Variants in TMEM233 observed in about 807,000 individuals in gnomAD.
The protein encoded by TMEM233 is transmembrane protein 233.
Under a neutral mutation model 11.2 loss-of-function variants are expected in TMEM233, and 6 were observed. The observed-to-expected ratio is 0.54, with a 90% CI of 0.29 to 1.06. The LOEUF (loss-of-function observed/expected upper bound fraction) is 1.06. Among genes scored for constraint, TMEM233 ranks in the 50% least tolerant of loss-of-function variants. The pLI, the probability that TMEM233 is intolerant of heterozygous loss-of-function variation, is 0.08. For missense variants in TMEM233, 127 were observed against 144.7 expected (o/e 0.88, Z 0.63); for synonymous variants, 59 against 55.8 (o/e 1.06, Z -0.26).
chr12:119,629,251 A>G (rs1349452509), intron 1 of TMEM233, among the ~76,000 whole-genome samples: 2 of 152,146 alleles, frequency 1.3e-5, no homozygotes, highest in African/African-American at 4.8e-5. Context: ...CTCTACTAAA[A>G]ATACAAAAAT....
chr12:119,613,439 T>G (rs1279404701), intron 1 of TMEM233, among the ~76,000 whole-genome samples: 2 of 152,188 alleles, frequency 1.3e-5, no homozygotes, highest in Non-Finnish European at 2.9e-5. Flanking sequence ...CAAATGACTG[T>G]GACTCGCGTC....
Position 119,600,397 on chromosome 12 carries a change from A to AAG in TMEM233, c.186+6364_186+6365insGA, listed in dbSNP as rs964265380. 9.2e-5 allele frequency among the ~76,000 whole-genome samples: 14 copies of AAG among 151,746 alleles called. 1 individual carries two copies. The highest frequency in any genetic ancestry group is 5.2e-4 in the Admixed American group (8 of 15,246). ...AATATGTGGGTAGATTAAAAAAAAA[A>AAG]AAAACAGCAGAAGCTCCTTTGAGCT... On this transcript the variant is annotated intron_variant, in intron 1 of 2. Coordinates refer to ENST00000426426, the MANE Select transcript of TMEM233 (RefSeq NM_001136534.3).
rs1955080778 is a variant in TMEM233, at chr12:119,641,338, C to T, written c.*633C>T. On this transcript the variant is annotated 3_prime_UTR_variant, in exon 3 of 3. Coordinates refer to ENST00000426426, the MANE Select transcript of TMEM233 (RefSeq NM_001136534.3). ...TGATGCTTATATTTCCAAATAGGCC[C>T]CCTCCCTTGCTTGCATCCACGTTGG... is the stretch of plus-strand genomic sequence containing the variant. 1 of 152,210 alleles carries T rather than the reference C, an allele frequency of 6.6e-6. No individual in the cohort carries two copies. The highest frequency in any genetic ancestry group is 2.4e-5 in the African/African-American group (1 of 41,440). The allele number at this position is 152,210 out of a possible 1,614,324, so 9.4% of individuals were successfully genotyped here. A position where few individuals can be genotyped will look rare whatever the true frequency, so the allele number is the denominator to read the frequency against.
chr12:119,604,438 G>A (rs960391888), intron 1 of TMEM233, among the ~76,000 whole-genome samples: 4 of 152,126 alleles, frequency 2.6e-5, no homozygotes, highest in Non-Finnish European at 5.9e-5. Flanking sequence ...GGATCGTAAG[G>A]CTAATATGCC....
the TMEM233 span, among the ~76,000 whole-genome samples, chr12:119,648,099 CCA>C: frequency 6.6e-6 from 1 of 152,056 alleles, no homozygotes; most frequent in East Asian, 1.9e-4. Context: ...CCTTTCTTCC[CCA>C]TGCCCTAGGT....
intron 2 of TMEM233, among the ~76,000 whole-genome samples, chr12:119,636,434 G>T (rs1023385879): frequency 6.6e-6 from 1 of 152,090 alleles, no homozygotes; most frequent in African/African-American, 2.4e-5. Context: ...AGTTATTGCT[G>T]CTTCCCTGGA....
In TMEM233 at chr12:119,595,940, A is replaced by G. The variant is rs1316076107; in HGVS notation, c.186+1906A>G. Among the ~76,000 whole-genome samples the G allele has an allele frequency of 1.3e-5, 2 of 152,232 alleles. No individual in the cohort carries two copies. Among genetic ancestry groups the G allele is most frequent in the African/African-American group, 4.8e-5 (2 of 41,462 alleles). On this transcript the variant is annotated intron_variant, in intron 1 of 2. Transcript: ENST00000426426. The surrounding 1 kb of genome is among the most constrained non-coding windows in gnomAD (Gnocchi z 4.3). ...AATATTTGTTGGTTCCTGTATCTTC[A>G]GCATCTAGAAGAAAATGTGGCACGT...
intron 1 of TMEM233, among the ~76,000 whole-genome samples, chr12:119,620,557 A>T (rs1954620666): frequency 6.6e-6 from 1 of 152,232 alleles, no homozygotes; most frequent in Admixed American, 6.5e-5. Context: ...ATGAACTACT[A>T]GGAAGCCTTA....
chr12:119,611,902 T>C (rs1034005427), intron 1 of TMEM233, among the ~76,000 whole-genome samples: 9 of 152,122 alleles, frequency 5.9e-5, no homozygotes, highest in Non-Finnish European at 1.2e-4. Context: ...AATGCCAACC[T>C]CTCTTTCAGT....
the TMEM233 span, among the ~76,000 whole-genome samples, chr12:119,653,846 A>G: frequency 6.6e-6 from 1 of 152,098 alleles, no homozygotes; most frequent in Non-Finnish European, 1.5e-5. Flanking sequence ...TCTACCATAT[A>G]TGTAATTAGA....
intron 1 of TMEM233, among the ~76,000 whole-genome samples, chr12:119,621,665 G>T (rs1954647276): frequency 6.6e-6 from 1 of 152,212 alleles, no homozygotes; most frequent in South Asian, 2.1e-4. Context: ...AGCTCATAGT[G>T]TTGTGAGGAC....
At chr12:119,627,752 C>A (rs762451435) in intron 1 of TMEM233, among the ~76,000 whole-genome samples, 1 of 152,084 alleles carries the variant, frequency 6.6e-6, no homozygotes, top group African/African-American at 2.4e-5. Flanking sequence ...AGGTAGGAGG[C>A]GGGACTTGAC....
chr12:119,640,902 C>G lies in TMEM233; in HGVS notation c.*197C>G, dbSNP rs141572649. 4 of 527,200 alleles carry G rather than the reference C, an allele frequency of 7.6e-6. No homozygotes were observed. The Admixed American group carries it at 1.3e-4, about 18-fold the overall frequency. 32.7% of individuals were successfully genotyped at this position (527,200 alleles called of 1,614,324 possible). ...CAAAATTTAGGCAATCCAAGCTGCA[C>G]AGCCGGATCAGCCAAAGTCATTGAT... On this transcript the variant is annotated 3_prime_UTR_variant, in exon 3 of 3. Coordinates refer to ENST00000426426, the MANE Select transcript of TMEM233 (RefSeq NM_001136534.3).
At chr12:119,625,367 C>CTTCTT (rs71072545) in intron 1 of TMEM233, among the ~76,000 whole-genome samples, 2,441 of 145,528 alleles carry the variant, frequency 0.017, 43 homozygotes, top group African/African-American at 0.04. Context: ...ATAACTTCTT[C>CTTCTT]TTTTTTTTTT....
At chr12:119,633,578 C>A (rs531004531) in intron 2 of TMEM233, among the ~76,000 whole-genome samples, 1 of 152,068 alleles carries the variant, frequency 6.6e-6, no homozygotes, top group East Asian at 1.9e-4. Flanking sequence ...CAGAGTGAGA[C>A]CCTGTCTCAA....
intron 1 of TMEM233, among the ~76,000 whole-genome samples, chr12:119,596,746 G>C (rs755905072): frequency 7.2e-5 from 11 of 152,140 alleles, no homozygotes; most frequent in Non-Finnish European, 1.6e-4. Flanking sequence ...GCCCGCCTCA[G>C]CCTCCCAGAG....
chr12:119,596,939 G>A (rs559737020), intron 1 of TMEM233, among the ~76,000 whole-genome samples: 1 of 152,320 alleles, frequency 6.6e-6, no homozygotes, highest in African/African-American at 2.4e-5. Flanking sequence ...TGCAATAATT[G>A]TCAGACAGAT....
chr12:119,651,703 T>C, the TMEM233 span, among the ~76,000 whole-genome samples: 1 of 151,684 alleles, frequency 6.6e-6, no homozygotes, highest in Non-Finnish European at 1.5e-5. Flanking sequence ...GGCACATGCC[T>C]GTAATCCCAG....
At chr12:119,613,253 A>C (rs1485381213) in intron 1 of TMEM233, among the ~76,000 whole-genome samples, 3 of 151,966 alleles carry the variant, frequency 2.0e-5, no homozygotes, top group African/African-American at 7.2e-5. Flanking sequence ...GGAAAATGAA[A>C]ACCTAGCTGT....
Sources: allele counts gnomAD v4.1 joint callset (sites outside exome capture counted in the v4.1 genomes callset), GRCh38; gene constraint gnomAD v4.1.1; non-coding constraint Gnocchi (gnomAD v3.1); transcripts MANE v1.5; gene names NCBI Gene and HGNC (gene_info 2026-07-23, HGNC 2026-07-21).